Variants in ZFP64 observed in about 807,000 individuals in gnomAD.
The protein encoded by ZFP64 is zinc finger protein 64.
Under a neutral mutation model 51.6 loss-of-function variants are expected in ZFP64, and 14 were observed. The ratio of observed to expected loss-of-function variants is 0.27; its 90% confidence interval spans 0.18 to 0.42. The LOEUF (loss-of-function observed/expected upper bound fraction) is 0.42, where lower values mean the gene tolerates loss of function less well. Among genes scored for constraint, ZFP64 ranks in the 10% least tolerant of loss-of-function variants. The probability of loss-of-function intolerance (pLI) is 1.00; values close to 1 mark genes in which losing one functional copy is unlikely to be tolerated. For synonymous variants in ZFP64, 375 were observed against 361.4 expected (o/e 1.04, Z -0.43); for missense variants, 754 against 906.8 (o/e 0.83, Z 2.16).
At chr20:52,164,832 A>G in intron 3 of ZFP64, 75 bp from the exon 4 acceptor site, 1 of 1,230,180 alleles carries the variant, frequency 8.1e-7, no homozygotes, top group Non-Finnish European at 1.2e-6. Flanking sequence ...TGGTAGAAAC[A>G]TCCTTAACCA....
intron 6 of ZFP64, among the ~76,000 whole-genome samples, chr20:52,098,192 G>C (rs963160960): frequency 1.0e-4 from 13 of 129,390 alleles, no homozygotes; most frequent in African/African-American, 3.9e-4. Context: ...AAAAAAAAGA[G>C]TCCATATATG....
At position 52,164,754 on chromosome 20, in the gene ZFP64, C is replaced by T; in HGVS notation, c.452G>A (p.Cys151Tyr). The change falls in exon 4 of 6, where the codon TGC becomes TAC. Residue 151 changes from cysteine (C) to tyrosine (Y), a missense_variant. Physicochemically the swap from Cys to Tyr is radical, Grantham distance 194 (BLOSUM62 -2). Coordinates refer to ENST00000216923, the MANE Select transcript of ZFP64 (RefSeq NM_018197.3). ...CATGCCATAAGCAGTCTTGAATTGG[C>T]AACCTAAAAAAAAAAAGGAAAGATT... ...QKRLNCCYPG[C>Y]QFKTAYGMKD... 1 of 1,594,392 alleles carries T rather than the reference C, an allele frequency of 6.3e-7. No individual in the cohort carries two copies. The highest frequency in any genetic ancestry group is 8.5e-7 in the Non-Finnish European group (1 of 1,172,250).
chr20:52,104,474 C>A (rs2122785945), intron 5 of ZFP64, among the ~76,000 whole-genome samples: 1 of 152,310 alleles, frequency 6.6e-6, no homozygotes, highest in Admixed American at 6.5e-5. Context: ...CACCACGGCT[C>A]CCACTTCGCT....
chr20:52,084,797 G>A lies in ZFP64; in HGVS notation c.1698C>T (p.Gly566=), dbSNP rs1221828620. Residue 566 remains glycine, a synonymous_variant, in exon 9 of 9, where the codon GGC becomes GGT. Coordinates refer to the ZFP64 transcript ENST00000361387. The stretch of plus-strand genomic sequence containing the variant: ...CGATCTTGGCCACGTGCTGGGAGCT[G>A]CCCTCTCTGAGCCCTTCCTTGCCCA... 4 of 1,614,058 alleles carry A rather than the reference G, an allele frequency of 2.5e-6. No homozygotes were observed. In the African/African-American group the frequency reaches 5.3e-5, roughly 22 times the overall value.
chr20:52,161,636 A>G (rs907457803), intron 4 of ZFP64, among the ~76,000 whole-genome samples: 4 of 152,134 alleles, frequency 2.6e-5, no homozygotes, highest in African/African-American at 9.7e-5. Flanking sequence ...TTGGCCATGA[A>G]AAAGAGTAAG....
intron 6 of ZFP64, chr20:52,098,322 C>G (rs1329126973): frequency 3.5e-6 from 5 of 1,428,686 alleles, no homozygotes; most frequent in Non-Finnish European, 4.8e-6. Flanking sequence ...GATGTAGATA[C>G]TGGCATGTTG....
intron 2 of ZFP64, among the ~76,000 whole-genome samples, chr20:52,178,722 C>T (rs1382128926): frequency 1.3e-5 from 2 of 152,026 alleles, no homozygotes; most frequent in Non-Finnish European, 2.9e-5. Flanking sequence ...CCTTTCCCAC[C>T]GTCTTTCTCC....
At chr20:52,158,363 G>C (rs974182506) in intron 5 of ZFP64, among the ~76,000 whole-genome samples, 11 of 152,274 alleles carry the variant, frequency 7.2e-5, no homozygotes, top group African/African-American at 2.6e-4. Flanking sequence ...CTGTCAGAGA[G>C]ATGTGAATGA....
At chr20:52,156,376 C>T (rs986473737) in intron 5 of ZFP64, among the ~76,000 whole-genome samples, 3 of 152,198 alleles carry the variant, frequency 2.0e-5, no homozygotes, top group African/African-American at 4.8e-5. Flanking sequence ...GGCTTGTGCA[C>T]TGGGGCTTGC....
chr20:52,100,082 CT>C (rs1395922994), intron 5 of ZFP64, among the ~76,000 whole-genome samples: 2 of 152,214 alleles, frequency 1.3e-5, no homozygotes, highest in African/African-American at 4.8e-5. Context: ...CAAATTCCGC[CT>C]CCCGGGTTCA....
At chr20:52,159,581 T>C (rs1025309294) in intron 5 of ZFP64, among the ~76,000 whole-genome samples, 1 of 152,210 alleles carries the variant, frequency 6.6e-6, no homozygotes, top group Non-Finnish European at 1.5e-5. Flanking sequence ...CCAGGCACGG[T>C]GGCTCACGCC....
At chr20:52,149,083 G>A (rs185812944), downstream of ZFP64, among the ~76,000 whole-genome samples, 2 of 152,210 alleles carry the variant, frequency 1.3e-5, no homozygotes, top group African/African-American at 4.8e-5. Context: ...CTCAGAAAAC[G>A]CAGACCACAG....
intron 4 of ZFP64, 99 bp downstream of exon 4, chr20:52,164,596 G>A (rs988220305): frequency 1.0e-6 from 1 of 990,006 alleles, no homozygotes; most frequent in South Asian, 1.4e-5. Flanking sequence ...AACAGCCAGT[G>A]ACGTTTGGAG....
intron 5 of ZFP64, among the ~76,000 whole-genome samples, chr20:52,101,194 T>C (rs2079046141): frequency 6.6e-6 from 1 of 152,118 alleles, no homozygotes; most frequent in Non-Finnish European, 1.5e-5. Context: ...GTTGAGAAAG[T>C]CTGCAGTAGT....
chr20:52,123,880 G>T (rs570278927), intron 5 of ZFP64, among the ~76,000 whole-genome samples: 5 of 151,502 alleles, frequency 3.3e-5, no homozygotes, highest in East Asian at 1.9e-4. Flanking sequence ...CTTTTTTGGG[G>T]GGGGGAGGGG....
chr20:52,095,363 C>T (rs6021702), intron 7 of ZFP64, among the ~76,000 whole-genome samples: 54,170 of 152,046 alleles, frequency 0.36, 9,958 homozygotes, highest in South Asian at 0.53. Context: ...GGGATGACAA[C>T]GCAAAGCAAC....
intron 8 of ZFP64, among the ~76,000 whole-genome samples, chr20:52,087,800 C>T (rs2078880118): frequency 6.6e-6 from 1 of 152,222 alleles, no homozygotes; most frequent in Admixed American, 6.5e-5. Context: ...AACTGTACAG[C>T]TGCCTCCCAT....
chr20:52,165,369 T>A (rs755981535), intron 3 of ZFP64: 1 of 455,136 alleles, frequency 2.2e-6, no homozygotes, highest in South Asian at 1.6e-5. Flanking sequence ...AACTTTCAAA[T>A]GGTTTGGGGA....
intron 5 of ZFP64, among the ~76,000 whole-genome samples, chr20:52,113,353 A>T (rs967652822): frequency 1.3e-5 from 2 of 151,184 alleles, no homozygotes; most frequent in Non-Finnish European, 3.0e-5. Flanking sequence ...AGAAAGAAAG[A>T]AAGAAAGAAA....
Sources: gnomAD v4.1 joint callset for allele counts (sites outside exome capture counted in the v4.1 genomes callset) on GRCh38, gnomAD v4.1.1 for gene constraint, MANE v1.5 for transcripts, NCBI Gene and HGNC (gene_info 2026-07-23, HGNC 2026-07-21) for gene names.